The following CLNK variants were observed in gnomAD, a reference collection of about 807,000 sequenced individuals.
CLNK encodes the protein cytokine-dependent hematopoietic cell linker.
Under a neutral mutation model 68.6 loss-of-function variants are expected in CLNK, and 74 were observed. That is an observed-to-expected ratio of 1.08 (90% CI 0.89 to 1.31). The LOEUF (loss-of-function observed/expected upper bound fraction) is 1.31, where lower values mean the gene tolerates loss of function less well. CLNK is among the 50% of genes most tolerant of loss of function. CLNK has a pLI of 0.00. For synonymous variants in CLNK, 198 were observed against 172.2 expected, an observed-to-expected ratio of 1.15 and a Z score of -1.17; for missense variants, 553 against 515.3, an observed-to-expected ratio of 1.07 and a Z score of -0.71.
intron 2 of CLNK, among the ~76,000 whole-genome samples, chr4:10,644,813 G>A (rs1394343856): frequency 2.0e-5 from 3 of 152,174 alleles, no homozygotes; most frequent in Non-Finnish European, 4.4e-5. Flanking sequence ...TTTTTCTGCT[G>A]CTTCTCAATT....
At chr4:10,545,600 G>A (rs1008888671) in intron 8 of CLNK, among the ~76,000 whole-genome samples, 6 of 152,130 alleles carry the variant, frequency 3.9e-5, no homozygotes, top group African/African-American at 1.2e-4. Flanking sequence ...GGGATTTTCT[G>A]CAGTGGCCTT....
Position 10,596,383 on chromosome 4 carries a change from G to A in CLNK, c.83+1595C>T, listed in dbSNP as rs60168390. 3.9e-3 allele frequency among the ~76,000 whole-genome samples: 601 copies of A among 152,288 alleles called. 5 individuals carry two copies. Among genetic ancestry groups the A allele is most frequent in the African/African-American group, 0.014 (582 of 41,550 alleles). On this transcript the variant is annotated intron_variant, in intron 3 of 18. Coordinates refer to ENST00000226951, the MANE Select transcript of CLNK (RefSeq NM_052964.4). ...GAATGGAAAAAGAGGCTTGTCTGGG[G>A]CCACACGGCTAATAAGCAGCTCAGA...
intron 2 of CLNK, among the ~76,000 whole-genome samples, chr4:10,636,348 G>A (rs897814165): frequency 3.9e-5 from 6 of 152,126 alleles, no homozygotes; most frequent in African/African-American, 1.4e-4. Context: ...AGAAAAGATG[G>A]CCATGTAACG....
intron 3 of CLNK, among the ~76,000 whole-genome samples, chr4:10,590,650 C>T (rs1449221186): frequency 6.6e-6 from 1 of 152,216 alleles, no homozygotes; most frequent in South Asian, 2.1e-4. Context: ...CACCCCCTGA[C>T]ATTAGAAGGC....
intron 2 of CLNK, among the ~76,000 whole-genome samples, chr4:10,651,416 G>T (rs187630943): frequency 1.7e-3 from 261 of 152,244 alleles, no homozygotes; most frequent in Non-Finnish European, 3.1e-3. Context: ...GATAAAGATG[G>T]AAACAAACAT....
the CLNK span, among the ~76,000 whole-genome samples, chr4:10,699,160 C>A: frequency 7.5e-6 from 1 of 132,908 alleles, no homozygotes; most frequent in Non-Finnish European, 1.6e-5. Context: ...ATCGTATGAG[C>A]CAATTCCTTA....
chr4:10,630,242 A>G (rs1314789297), intron 2 of CLNK, among the ~76,000 whole-genome samples: 2 of 152,162 alleles, frequency 1.3e-5, no homozygotes, highest in African/African-American at 2.4e-5. Flanking sequence ...TATTTGAACA[A>G]CTTTGCCTTT....
intron 2 of CLNK, among the ~76,000 whole-genome samples, chr4:10,598,933 C>T (rs763492931): frequency 1.8e-4 from 27 of 152,330 alleles, no homozygotes; most frequent in South Asian, 8.3e-4. Flanking sequence ...CTCCCTCCCA[C>T]GGGGCCCTTT....
chr4:10,637,250 G>A (rs1723126196), intron 2 of CLNK, among the ~76,000 whole-genome samples: 1 of 152,100 alleles, frequency 6.6e-6, no homozygotes, highest in Non-Finnish European at 1.5e-5. Flanking sequence ...AAAAGGGAGT[G>A]TATTGTACCC....
At chr4:10,530,186 C>T (rs1014317304) in intron 12 of CLNK, among the ~76,000 whole-genome samples, 1 of 152,076 alleles carries the variant, frequency 6.6e-6, no homozygotes, top group East Asian at 1.9e-4. Flanking sequence ...CAGGACTGGC[C>T]CTATCTCCTG....
intron 14 of CLNK, among the ~76,000 whole-genome samples, chr4:10,523,548 C>G (rs1057496503): frequency 1.3e-5 from 2 of 152,098 alleles, no homozygotes; most frequent in Non-Finnish European, 2.9e-5. Context: ...TTAGAAGAAG[C>G]AGCAGCCAGT....
At chr4:10,570,852 T>C (rs987333321) in intron 5 of CLNK, among the ~76,000 whole-genome samples, 3 of 152,214 alleles carry the variant, frequency 2.0e-5, no homozygotes, top group Non-Finnish European at 4.4e-5. Context: ...TTGCAAATGA[T>C]TTCATAAAAT....
chr4:10,662,027 A>G (rs1246061923), intron 2 of CLNK, among the ~76,000 whole-genome samples: 5 of 152,212 alleles, frequency 3.3e-5, no homozygotes, highest in African/African-American at 1.2e-4. Flanking sequence ...TAGGAAATAC[A>G]TATTCCCTAT....
At chr4:10,593,058 A>G (rs1460116634) in intron 3 of CLNK, among the ~76,000 whole-genome samples, 1 of 152,100 alleles carries the variant, frequency 6.6e-6, no homozygotes, top group African/African-American at 2.4e-5. Context: ...CCCTTTGAGG[A>G]CAACTCCCAG....
At chr4:10,674,433 G>A (rs1348742515) in intron 1 of CLNK, among the ~76,000 whole-genome samples, 3 of 152,210 alleles carry the variant, frequency 2.0e-5, no homozygotes, top group Non-Finnish European at 2.9e-5. Context: ...TTAAAGCCTA[G>A]GCAAAAGGGC....
chr4:10,612,641 C>T lies in CLNK; in HGVS notation c.12-14592G>A, dbSNP rs59949613. ...GAGAGTGGCTGGAATCCTAGATTTACCCCATGGCTTATCTACTGCCCTTGG... is the reference window on the plus strand; with the variant it reads ...GAGAGTGGCTGGAATCCTAGATTTATCCCATGGCTTATCTACTGCCCTTGG... On this transcript the variant is annotated intron_variant, in intron 2 of 18. Transcript: ENST00000226951. Among the ~76,000 whole-genome samples, 1,081 of 152,288 alleles carry T rather than the reference C, an allele frequency of 7.1e-3. 15 individuals carry two copies. Among genetic ancestry groups the T allele is most frequent in the African/African-American group, 0.025 (1,033 of 41,548 alleles).
At chr4:10,687,977 A>G (rs1382664738), upstream of CLNK, among the ~76,000 whole-genome samples, 1 of 152,212 alleles carries the variant, frequency 6.6e-6, no homozygotes, top group African/African-American at 2.4e-5. Context: ...ATCCAGATGT[A>G]TCACACAGTG....
intron 2 of CLNK, chr4:10,635,927 T>C (rs769763045): frequency 6.6e-6 from 1 of 152,236 alleles, no homozygotes; most frequent in Non-Finnish European, 1.5e-5. Context: ...AAATGGTGCA[T>C]AAGACGCGTT....
At chr4:10,539,822 A>G (rs1718944087) in intron 11 of CLNK, among the ~76,000 whole-genome samples, 1 of 152,214 alleles carries the variant, frequency 6.6e-6, no homozygotes, top group Non-Finnish European at 1.5e-5. Context: ...GGGGGCCAAT[A>G]TTGGTCCTGG....
Sources: gnomAD v4.1 joint callset for allele counts (sites outside exome capture counted in the v4.1 genomes callset) on GRCh38, gnomAD v4.1.1 for gene constraint, MANE v1.5 for transcripts, NCBI Gene and HGNC (gene_info 2026-07-23, HGNC 2026-07-21) for gene names.